ARK2C: variants seen among roughly 807,000 people sequenced by gnomAD.
The protein encoded by ARK2C is E3 ubiquitin-protein ligase ARK2C.
At chr18:46,448,605 G>A in the ARK2C span, among the ~76,000 whole-genome samples, 6 of 152,074 alleles carry the variant, frequency 3.9e-5, no homozygotes, top group East Asian at 1.9e-4. Flanking sequence ...TGCCTGCCTC[G>A]CCCATCTCAC....
At chr18:46,353,128 T>G in the ARK2C span, among the ~76,000 whole-genome samples, 1 of 152,272 alleles carries the variant, frequency 6.6e-6, no homozygotes, top group African/African-American at 2.4e-5. Flanking sequence ...TCCTGTCTCA[T>G]GACTAGCTTG....
chr18:46,435,940 G>C, the ARK2C span, among the ~76,000 whole-genome samples: 4 of 152,208 alleles, frequency 2.6e-5, no homozygotes, highest in African/African-American at 2.4e-5. Context: ...GCTGGGGAGA[G>C]AGGTTGAGGG....
chr18:46,427,313 T>A, the ARK2C span, among the ~76,000 whole-genome samples: 1 of 152,230 alleles, frequency 6.6e-6, no homozygotes, highest in East Asian at 1.9e-4. Flanking sequence ...CCAGTGCGTC[T>A]GCTGGAGGGC....
chr18:46,336,080 AG>A, the ARK2C span: 1 of 985,150 alleles, frequency 1.0e-6, no homozygotes, highest in African/African-American at 1.7e-5. Flanking sequence ...AGGAAGAAAG[AG>A]GGGGGCTGGA....
At chr18:46,390,830 G>C in the ARK2C span, among the ~76,000 whole-genome samples, 2 of 152,082 alleles carry the variant, frequency 1.3e-5, no homozygotes, top group African/African-American at 4.8e-5. Context: ...CTGTAAAATG[G>C]GGATATTAAT....
At chr18:46,450,906 A>C in the ARK2C span, 1 of 779,830 alleles carries the variant, frequency 1.3e-6, no homozygotes, top group East Asian at 2.6e-5. Context: ...CAGATTCTAG[A>C]AACCTTTGCT....
At chr18:46,427,854 A>G in the ARK2C span, among the ~76,000 whole-genome samples, 1 of 152,210 alleles carries the variant, frequency 6.6e-6, no homozygotes, top group African/African-American at 2.4e-5. Context: ...GGGAGTTCTC[A>G]GAGCTCAGAG....
At chr18:46,456,218 G>T in the ARK2C span, 1 of 662,718 alleles carries the variant, frequency 1.5e-6, no homozygotes. Context: ...GTGCTTCATG[G>T]TTGCCCTGGG....
chr18:46,334,392 G>A, the ARK2C span: 3 of 1,502,340 alleles, frequency 2.0e-6, no homozygotes, highest in African/African-American at 1.4e-5. The surrounding 1 kb of genome is among the most constrained non-coding windows in gnomAD (Gnocchi z 4.4). Context: ...CAGGCACCGG[G>A]GCGGGGGCGG....
At chr18:46,376,316 T>G in the ARK2C span, among the ~76,000 whole-genome samples, 1 of 152,224 alleles carries the variant, frequency 6.6e-6, no homozygotes, top group Non-Finnish European at 1.5e-5. Context: ...GATGCCCACT[T>G]AATGGACAGG....
At chr18:46,384,141 C>T in the ARK2C span, among the ~76,000 whole-genome samples, 2 of 152,326 alleles carry the variant, frequency 1.3e-5, no homozygotes, top group Admixed American at 6.5e-5. Flanking sequence ...TACAGCAGGG[C>T]TTTTACTGTC....
At chr18:46,458,679 G>T in the ARK2C span, 5 of 152,276 alleles carry the variant, frequency 3.3e-5, no homozygotes, top group African/African-American at 1.2e-4. Context: ...GGCAGAAAGT[G>T]GGGGAAGTGG....
chr18:46,363,869 C>T, the ARK2C span, among the ~76,000 whole-genome samples: 1 of 151,800 alleles, frequency 6.6e-6, no homozygotes, highest in Non-Finnish European at 1.5e-5. Context: ...GGTCACCTTT[C>T]AGTGGGTCTG....
At chr18:46,338,040 A>C in the ARK2C span, among the ~76,000 whole-genome samples, 1 of 152,170 alleles carries the variant, frequency 6.6e-6, no homozygotes, top group Non-Finnish European at 1.5e-5. Flanking sequence ...AGAGAAGGGG[A>C]TATAACACTT....
At chr18:46,460,559 C>A in the ARK2C span, 1 of 152,318 alleles carries the variant, frequency 6.6e-6, no homozygotes, top group Non-Finnish European at 1.5e-5. Flanking sequence ...AGAAAGGATA[C>A]TAATTTTTTT....
the ARK2C span, among the ~76,000 whole-genome samples, chr18:46,451,290 C>T: frequency 2.0e-5 from 3 of 152,146 alleles, no homozygotes; most frequent in African/African-American, 7.2e-5. Context: ...CACAGAGTCA[C>T]AGGTTTTATC....
At chr18:46,435,226 C>A in the ARK2C span, 1 of 1,453,088 alleles carries the variant, frequency 6.9e-7, no homozygotes, top group Non-Finnish European at 9.7e-7. Context: ...TTTCTCAGAG[C>A]TCTTGAGAAC....
At chr18:46,367,090 G>T in the ARK2C span, among the ~76,000 whole-genome samples, 1 of 152,228 alleles carries the variant, frequency 6.6e-6, no homozygotes, top group Non-Finnish European at 1.5e-5. Context: ...AGACACTGGA[G>T]TTGGGTGGAT....
chr18:46,433,200 T>C, the ARK2C span: 1 of 1,580,630 alleles, frequency 6.3e-7, no homozygotes, highest in Non-Finnish European at 8.6e-7. Flanking sequence ...GTGCCCCCTT[T>C]CAAAGGTCTC....
Sources: allele counts gnomAD v4.1 joint callset (sites outside exome capture counted in the v4.1 genomes callset), GRCh38; gene constraint gnomAD v4.1.1; non-coding constraint Gnocchi (gnomAD v3.1); transcripts MANE v1.5; gene names NCBI Gene and HGNC (gene_info 2026-07-23, HGNC 2026-07-21).